The following PGCKA1 variants were observed in gnomAD, a reference collection of about 807,000 sequenced individuals.
The protein encoded by PGCKA1 is PDCD10 and GCKIII kinases-associated protein 1.
At chr4:37,524,278 T>C in the PGCKA1 span, among the ~76,000 whole-genome samples, 1 of 152,234 alleles carries the variant, frequency 6.6e-6, no homozygotes, top group Non-Finnish European at 1.5e-5. Flanking sequence ...ATAGTTTGTA[T>C]GGATCAGGAA....
the PGCKA1 span, among the ~76,000 whole-genome samples, chr4:37,503,376 G>T: frequency 6.6e-6 from 1 of 152,126 alleles, no homozygotes; most frequent in Non-Finnish European, 1.5e-5. Context: ...TGTTAGGAGT[G>T]TGCCCATCAT....
chr4:37,534,920 A>G, the PGCKA1 span, among the ~76,000 whole-genome samples: 1 of 152,222 alleles, frequency 6.6e-6, no homozygotes, highest in Non-Finnish European at 1.5e-5. Context: ...GAAATGGGTG[A>G]GAATTATTTC....
At chr4:37,495,914 AT>A in the PGCKA1 span, among the ~76,000 whole-genome samples, 1 of 151,820 alleles carries the variant, frequency 6.6e-6, no homozygotes, top group Non-Finnish European at 1.5e-5. Context: ...GGGGTTGTTT[AT>A]TTTTCTTTTT....
chr4:37,478,981 AT>A, the PGCKA1 span, among the ~76,000 whole-genome samples: 73 of 152,326 alleles, frequency 4.8e-4, no homozygotes, highest in Middle Eastern at 3.4e-3. Context: ...TTCCTTCAGT[AT>A]TGGCATTAGT....
At chr4:37,488,973 G>A in the PGCKA1 span, among the ~76,000 whole-genome samples, 13 of 152,136 alleles carry the variant, frequency 8.5e-5, no homozygotes, top group East Asian at 1.9e-4. Context: ...TGAAACCCAC[G>A]TATATACCAA....
At chr4:37,549,070 G>A in the PGCKA1 span, among the ~76,000 whole-genome samples, 4 of 140,874 alleles carry the variant, frequency 2.8e-5, no homozygotes, top group Admixed American at 7.1e-5. Flanking sequence ...GGTCAGACCC[G>A]AGGGCCATCC....
the PGCKA1 span, among the ~76,000 whole-genome samples, chr4:37,472,339 G>T: frequency 6.6e-6 from 1 of 152,056 alleles, no homozygotes; most frequent in Non-Finnish European, 1.5e-5. Context: ...CTGGGATATT[G>T]CTTCACCAAT....
At chr4:37,577,741 G>A in the PGCKA1 span, among the ~76,000 whole-genome samples, 8 of 151,950 alleles carry the variant, frequency 5.3e-5, no homozygotes, top group African/African-American at 4.8e-5. Context: ...TTTTGGTCTC[G>A]TGTTTCCATG....
chr4:37,541,824 G>A, the PGCKA1 span, among the ~76,000 whole-genome samples: 5,579 of 152,146 alleles, frequency 0.037, 150 homozygotes, highest in South Asian at 0.13. Flanking sequence ...TCAAGAGGCC[G>A]AAAAAGACAT....
chr4:37,553,385 C>G, the PGCKA1 span, among the ~76,000 whole-genome samples: 77 of 137,230 alleles, frequency 5.6e-4, no homozygotes, highest in Middle Eastern at 3.8e-3. Context: ...CTTACTTTAC[C>G]CCTGGATGTT....
chr4:37,487,931 A>G, the PGCKA1 span, among the ~76,000 whole-genome samples: 1 of 152,116 alleles, frequency 6.6e-6, no homozygotes, highest in Non-Finnish European at 1.5e-5. Flanking sequence ...TTGTATGACT[A>G]CACCACAGTG....
At chr4:37,570,244 G>C in the PGCKA1 span, among the ~76,000 whole-genome samples, 5 of 139,862 alleles carry the variant, frequency 3.6e-5, no homozygotes, top group African/African-American at 1.3e-4. Context: ...TTGAGCCGCC[G>C]ACCTCGGCCT....
At chr4:37,583,341 C>T in the PGCKA1 span, among the ~76,000 whole-genome samples, 1 of 152,202 alleles carries the variant, frequency 6.6e-6, no homozygotes, top group Non-Finnish European at 1.5e-5. Flanking sequence ...TCGCCCTTCC[C>T]CTACCTCCAT....
chr4:37,550,762 C>G, the PGCKA1 span, among the ~76,000 whole-genome samples: 1 of 152,176 alleles, frequency 6.6e-6, no homozygotes, highest in Non-Finnish European at 1.5e-5. Context: ...GTAGCCCAGT[C>G]TCTAAAAGTC....
At chr4:37,483,121 T>C in the PGCKA1 span, among the ~76,000 whole-genome samples, 2 of 152,116 alleles carry the variant, frequency 1.3e-5, no homozygotes, top group East Asian at 3.9e-4. Flanking sequence ...GTGAGTAAGT[T>C]CTTATGAGAT....
the PGCKA1 span, among the ~76,000 whole-genome samples, chr4:37,479,693 C>T: frequency 2.2e-3 from 332 of 152,220 alleles, 9 homozygotes; most frequent in East Asian, 0.044. Flanking sequence ...ACAAGAAGAC[C>T]TATGAATTTG....
the PGCKA1 span, among the ~76,000 whole-genome samples, chr4:37,568,330 C>G: frequency 6.6e-6 from 1 of 152,208 alleles, no homozygotes; most frequent in African/African-American, 2.4e-5. Flanking sequence ...TGCAGGAACA[C>G]CAGGAGGCCC....
chr4:37,551,695 C>G, the PGCKA1 span, among the ~76,000 whole-genome samples: 1 of 152,192 alleles, frequency 6.6e-6, no homozygotes, highest in Admixed American at 6.5e-5. Context: ...AAGTGTAGCA[C>G]AGATTCAACC....
the PGCKA1 span, among the ~76,000 whole-genome samples, chr4:37,473,569 G>A: frequency 2.6e-5 from 4 of 152,148 alleles, no homozygotes; most frequent in East Asian, 5.8e-4. Flanking sequence ...TCAATTCAAG[G>A]AAAATACATT....
Sources: allele counts gnomAD v4.1 joint callset (sites outside exome capture counted in the v4.1 genomes callset), GRCh38; gene constraint gnomAD v4.1.1; transcripts MANE v1.5; gene names NCBI Gene and HGNC (gene_info 2026-07-23, HGNC 2026-07-21).